The following LRRC17 variants were observed in gnomAD, a reference collection of about 807,000 sequenced individuals.
LRRC17 encodes the protein leucine rich repeat containing 17.
In LRRC17, 33 loss-of-function variants were observed where a neutral mutation model predicts 41.5. The ratio of observed to expected loss-of-function variants is 0.80; its 90% CI spans 0.60 to 1.06. LRRC17 has a LOEUF of 1.06. Among genes scored for constraint, LRRC17 ranks in the 50% least tolerant of loss-of-function variants. The pLI is 0.00. For synonymous variants in LRRC17, 192 were observed against 197.0 expected (o/e 0.97, Z 0.21); for missense variants, 491 against 519.3 (o/e 0.95, Z 0.53).
intron 1 of LRRC17, chr7:102,926,483 G>T (rs896823709): frequency 3.8e-6 from 3 of 782,526 alleles, no homozygotes; most frequent in African/African-American, 1.8e-5. Context: ...ATACATGTAA[G>T]AGTTGGTTTC....
At chr7:102,942,396 A>G in intron 3 of LRRC17, 1 of 1,409,414 alleles carries the variant, frequency 7.1e-7, no homozygotes, top group Non-Finnish European at 9.7e-7. Context: ...GTGAATAACA[A>G]TCATATAAAA....
chr7:102,917,514 T>C (rs754083549), intron 1 of LRRC17, among the ~76,000 whole-genome samples: 2 of 152,182 alleles, frequency 1.3e-5, no homozygotes, highest in African/African-American at 4.8e-5. Context: ...TTCTGGTAGA[T>C]GGCGAGACTT....
chr7:102,935,633 G>A (rs1023569283), intron 2 of LRRC17, among the ~76,000 whole-genome samples: 5 of 152,042 alleles, frequency 3.3e-5, no homozygotes, highest in African/African-American at 4.8e-5. Context: ...GAAAACAGAC[G>A]GGAGATTTTA....
At chr7:102,922,957 G>A (rs1470220843) in intron 1 of LRRC17, among the ~76,000 whole-genome samples, 1 of 151,952 alleles carries the variant, frequency 6.6e-6, no homozygotes, top group Non-Finnish European at 1.5e-5. Flanking sequence ...CAGCCTGGGC[G>A]ACAGAGCGAG....
Position 102,943,821 on chromosome 7 carries a change from T to G in LRRC17, c.929-389T>G, listed in dbSNP as rs140402997. Among the ~76,000 whole-genome samples the G allele has an allele frequency of 2.0e-4, 31 of 152,336 alleles. No homozygotes were observed. In the East Asian group the frequency reaches 5.8e-3, roughly 28 times the overall value. On this transcript the variant is annotated intron_variant, in intron 3 of 3. Transcript: ENST00000339431. Reference sequence around the variant, plus strand: ...AAATGGAGTGACCATCTGTGTTAGCTTATTGGCCTTATTCAGAGAAAAATA... The same window carrying G: ...AAATGGAGTGACCATCTGTGTTAGCGTATTGGCCTTATTCAGAGAAAAATA...
intron 2 of LRRC17, among the ~76,000 whole-genome samples, chr7:102,938,355 T>C (rs937103901): frequency 3.9e-5 from 6 of 152,232 alleles, no homozygotes; most frequent in African/African-American, 1.2e-4. Flanking sequence ...AAGAATTTTG[T>C]ATATGCAATA....
At chr7:102,914,559 C>T (rs1815443271) in intron 1 of LRRC17, among the ~76,000 whole-genome samples, 1 of 152,214 alleles carries the variant, frequency 6.6e-6, no homozygotes, top group Non-Finnish European at 1.5e-5. Context: ...GTTTACCTCC[C>T]ATAAATGGGA....
At chr7:102,933,561 T>C (rs1326610894) in intron 1 of LRRC17, 1 of 165,432 alleles carries the variant, frequency 6.0e-6, no homozygotes, top group Non-Finnish European at 1.3e-5. Context: ...ATGACCCAGG[T>C]TGATACAGTT....
chr7:102,934,559 GAA>G lies in LRRC17; in HGVS notation c.649_650del (p.Lys217GlyfsTer19). 8.5e-7 allele frequency: 1 copy of G among 1,175,116 alleles called. No homozygotes were observed. The highest frequency in any genetic ancestry group is 1.2e-5 in the South Asian group (1 of 81,652). 72.8% of individuals were successfully genotyped at this position (1,175,116 alleles called of 1,614,324 possible). On this transcript the variant is annotated frameshift_variant, in exon 2 of 4. Coordinates refer to ENST00000339431, the MANE Select transcript of LRRC17 (RefSeq NM_001031692.3). LOFTEE classifies it high-confidence loss of function. ...IKSEQLCNEE[E>X]KEQLDPKPQV... The stretch of plus-strand genomic sequence containing the variant: ...ATCTGAACAGTTGTGTAATGAAGAA[GAA>G]AAGGAACAATTGGACCCGAAACCCC...
intron 2 of LRRC17, among the ~76,000 whole-genome samples, chr7:102,935,400 C>A (rs969048800): frequency 6.6e-6 from 1 of 151,736 alleles, no homozygotes; most frequent in Non-Finnish European, 1.5e-5. Flanking sequence ...TAATAAATGC[C>A]TCTTAACATC....
chr7:102,926,398 G>A, intron 1 of LRRC17: 1 of 1,574,446 alleles, frequency 6.4e-7, no homozygotes, highest in Admixed American at 1.7e-5. Flanking sequence ...AGAGGGAAGA[G>A]GCTTATCAAA....
At chr7:102,931,986 A>C (rs55781834) in intron 1 of LRRC17, 244,846 of 1,547,372 alleles carry the variant, frequency 0.16, 20,937 homozygotes, top group Middle Eastern at 0.2. Flanking sequence ...ATGTTTAAAC[A>C]AAGTTTTTCT....
intron 1 of LRRC17, chr7:102,931,882 G>T (rs139763231): frequency 5.6e-6 from 9 of 1,613,336 alleles, no homozygotes; most frequent in Non-Finnish European, 7.6e-6. Flanking sequence ...TATACTCACT[G>T]TGAATGTTGG....
chr7:102,918,537 C>T (rs1461866579), intron 1 of LRRC17, among the ~76,000 whole-genome samples: 3 of 152,164 alleles, frequency 2.0e-5, no homozygotes, highest in Admixed American at 6.6e-5. Context: ...CACCCTGGGT[C>T]ACACAGAGTG....
intron 1 of LRRC17, chr7:102,933,161 C>A (rs1819548811): frequency 1.3e-5 from 2 of 152,044 alleles, no homozygotes; most frequent in Non-Finnish European, 2.9e-5. Context: ...GAAGTTTTCA[C>A]TGAAAAGGTA....
chr7:102,934,319 C>T lies in LRRC17; in HGVS notation c.406C>T (p.Leu136=), dbSNP rs753757547. 6.2e-6 allele frequency: 10 copies of T among 1,614,032 alleles called. No homozygotes were observed. The highest frequency in any genetic ancestry group is 4.4e-5 in the South Asian group (4 of 91,088). Residue 136 remains leucine (L), a synonymous_variant, in exon 2 of 4, where the codon CTG becomes TTG. Coordinates refer to ENST00000339431, the MANE Select transcript of LRRC17 (RefSeq NM_001031692.3). ...TTTAAACAAACTCACCACCCTCTTA[C>T]TGCAGCACAACCAGATCAAAGTCTT... The part of the protein sequence containing the change: ...FGLNKLTTLL[L]QHNQIKVLTE...
rs193213817 is a variant in LRRC17 at position 102,932,387 on chromosome 7, T to C, written c.-140-1387T>C. On this transcript the variant is annotated intron_variant, in intron 1 of 3. Coordinates refer to ENST00000339431, the MANE Select transcript of LRRC17 (RefSeq NM_001031692.3). ...GGATTCTAATTTATCTTTTACTGTA[T>C]TTGCTTTATCACATATCCACCCACT... is the stretch of plus-strand genomic sequence containing the variant. Among the ~76,000 whole-genome samples, 378 of 152,328 alleles carry C rather than the reference T, an allele frequency of 2.5e-3. 3 individuals carry two copies. The highest frequency in any genetic ancestry group is 4.0e-3 in the Non-Finnish European group (273 of 68,028).
intron 1 of LRRC17, among the ~76,000 whole-genome samples, chr7:102,920,728 A>G (rs1816806993): frequency 6.6e-6 from 1 of 152,230 alleles, no homozygotes. Context: ...TAAAAATAGA[A>G]GTTAGCTACA....
At chr7:102,934,750 C>A in intron 2 of LRRC17, 65 bp downstream of exon 2, 1 of 1,331,554 alleles carries the variant, frequency 7.5e-7, no homozygotes, top group Non-Finnish European at 1.0e-6. Context: ...ATCTTATAAT[C>A]CTCCCTACAT....
Sources: gnomAD v4.1 joint callset for allele counts (sites outside exome capture counted in the v4.1 genomes callset) on GRCh38, gnomAD v4.1.1 for gene constraint, MANE v1.5 for transcripts, NCBI Gene and HGNC (gene_info 2026-07-23, HGNC 2026-07-21) for gene names.